PTPRT: variants seen among roughly 807,000 people sequenced by gnomAD.
PTPRT encodes protein tyrosine phosphatase receptor type T, also known as receptor-type tyrosine-protein phosphatase T.
PTPRT carries 56 observed loss-of-function variants against 176.8 expected under a neutral mutation model. The ratio of observed to expected loss-of-function variants is 0.32; its 90% CI spans 0.26 to 0.40. The LOEUF is 0.40. Ranked by LOEUF, PTPRT falls within the 10% of genes least tolerant of loss-of-function variation. The pLI is 1.00. For synonymous variants in PTPRT, 783 were observed against 739.0 expected, an observed-to-expected ratio of 1.06 and a Z score of -0.96; for missense variants, 1,540 against 1,908.2, an observed-to-expected ratio of 0.81 and a Z score of 3.60.
At chr20:42,956,425 G>A (rs975329726) in intron 1 of PTPRT, among the ~76,000 whole-genome samples, 12 of 128,054 alleles carry the variant, frequency 9.4e-5, no homozygotes, top group Admixed American at 1.5e-4. Flanking sequence ...TACTCTAGCC[G>A]TGTGAGACAC....
intron 16 of PTPRT, among the ~76,000 whole-genome samples, chr20:42,170,284 G>C (rs1372421144): frequency 6.6e-6 from 1 of 152,202 alleles, no homozygotes; most frequent in Non-Finnish European, 1.5e-5. Context: ...TTAACTTGCT[G>C]CTTAAGCCAT....
At chr20:42,602,152 G>A (rs532263277) in intron 7 of PTPRT, among the ~76,000 whole-genome samples, 1 of 152,240 alleles carries the variant, frequency 6.6e-6, no homozygotes, top group East Asian at 1.9e-4. Flanking sequence ...AATTTAGTGG[G>A]TGGCTTTTCC....
intron 1 of PTPRT, among the ~76,000 whole-genome samples, chr20:43,083,092 C>A (rs2011483396): frequency 1.3e-5 from 2 of 152,054 alleles, no homozygotes; most frequent in East Asian, 1.9e-4. Flanking sequence ...ATAAAGCCCT[C>A]TTCCCTGGCA....
At chr20:43,036,219 T>C (rs577399622) in intron 1 of PTPRT, among the ~76,000 whole-genome samples, 2 of 152,364 alleles carry the variant, frequency 1.3e-5, no homozygotes, top group South Asian at 4.1e-4. Context: ...TTGCTATGTA[T>C]TTTCCTCACT....
intron 9 of PTPRT, among the ~76,000 whole-genome samples, chr20:42,412,106 T>C (rs1001515832): frequency 5.3e-5 from 8 of 152,122 alleles, no homozygotes; most frequent in African/African-American, 1.7e-4. Flanking sequence ...AAGGGCACTG[T>C]CAAAAAGATA....
At chr20:42,498,350 A>G (rs1156398338) in intron 7 of PTPRT, among the ~76,000 whole-genome samples, 1 of 152,136 alleles carries the variant, frequency 6.6e-6, no homozygotes, top group Non-Finnish European at 1.5e-5. Flanking sequence ...TTCCCTCTGG[A>G]GGTTAGACAA....
chr20:43,029,309 G>A (rs534989621), intron 1 of PTPRT, among the ~76,000 whole-genome samples: 1 of 152,320 alleles, frequency 6.6e-6, no homozygotes, highest in African/African-American at 2.4e-5. Context: ...TCTACTGGCT[G>A]CTTGTGAGAT....
chr20:42,907,232 G>T (rs2079489987), intron 1 of PTPRT, among the ~76,000 whole-genome samples: 1 of 152,116 alleles, frequency 6.6e-6, no homozygotes, highest in Non-Finnish European at 1.5e-5. Context: ...TCCTAAATAG[G>T]AGACAAAGAG....
intron 7 of PTPRT, among the ~76,000 whole-genome samples, chr20:42,530,886 C>T (rs953432349): frequency 3.3e-5 from 5 of 152,270 alleles, no homozygotes; most frequent in South Asian, 4.1e-4. Context: ...CAGTGGTTTC[C>T]GGAGAAACAT....
At chr20:42,669,779 A>C (rs1600580758) in intron 7 of PTPRT, among the ~76,000 whole-genome samples, 1 of 152,076 alleles carries the variant, frequency 6.6e-6, no homozygotes, top group Non-Finnish European at 1.5e-5. Flanking sequence ...CAGGCTTTTC[A>C]GAGAACACAG....
At chr20:43,107,765 C>A (rs2012679092) in intron 1 of PTPRT, among the ~76,000 whole-genome samples, 1 of 152,172 alleles carries the variant, frequency 6.6e-6, no homozygotes, top group African/African-American at 2.4e-5. Context: ...CAATTTAAAA[C>A]TCGTAACATA....
the PTPRT span, among the ~76,000 whole-genome samples, chr20:42,046,791 G>GTGTGTGTGTGTGTGTC: frequency 6.6e-6 from 1 of 152,046 alleles, no homozygotes; most frequent in African/African-American, 2.4e-5. Flanking sequence ...GTGTGTGTGT[G>GTGTGTGTGTGTGTGTC]TGTGTCTGTG....
At chr20:42,839,951 G>A (rs1398312325) in intron 2 of PTPRT, among the ~76,000 whole-genome samples, 1 of 152,174 alleles carries the variant, frequency 6.6e-6, no homozygotes, top group Non-Finnish European at 1.5e-5. Context: ...AGTGGAGGTT[G>A]TATACCCTGG....
chr20:42,713,328 T>C (rs548577907), intron 6 of PTPRT, among the ~76,000 whole-genome samples: 1 of 152,160 alleles, frequency 6.6e-6, no homozygotes, highest in Non-Finnish European at 1.5e-5. Flanking sequence ...AACATTGCAA[T>C]ATTTTTAACT....
At chr20:42,222,603 C>T (rs963622206) in intron 15 of PTPRT, among the ~76,000 whole-genome samples, 4 of 152,182 alleles carry the variant, frequency 2.6e-5, no homozygotes, top group Non-Finnish European at 4.4e-5. Flanking sequence ...CCCTAAGAAC[C>T]TATGAGGGCT....
At chr20:42,710,360 G>C (rs1232683496) in intron 6 of PTPRT, among the ~76,000 whole-genome samples, 1 of 152,110 alleles carries the variant, frequency 6.6e-6, no homozygotes, top group Non-Finnish European at 1.5e-5. Flanking sequence ...TGGTTTTAGG[G>C]GCCAGGCATG....
chr20:42,375,503 A>G (rs1838899028), intron 9 of PTPRT, among the ~76,000 whole-genome samples: 1 of 152,162 alleles, frequency 6.6e-6, no homozygotes, highest in Non-Finnish European at 1.5e-5. Context: ...AGGACATGGC[A>G]TTCAAAGTGT....
At chr20:42,044,057 A>T in the PTPRT span, among the ~76,000 whole-genome samples, 1 of 152,202 alleles carries the variant, frequency 6.6e-6, no homozygotes, top group Non-Finnish European at 1.5e-5. Context: ...ACTGGGACAG[A>T]GGAGTAAATA....
intron 15 of PTPRT, among the ~76,000 whole-genome samples, chr20:42,219,796 C>G (rs2055843946): frequency 6.6e-6 from 1 of 152,160 alleles, no homozygotes; most frequent in South Asian, 2.1e-4. Context: ...CAGGGCTTGA[C>G]AGCTTAACTA....
Sources: allele counts gnomAD v4.1 joint callset (sites outside exome capture counted in the v4.1 genomes callset), GRCh38; gene constraint gnomAD v4.1.1; transcripts MANE v1.5; gene names NCBI Gene and HGNC (gene_info 2026-07-23, HGNC 2026-07-21).